Variants in FBXO16 observed in about 807,000 individuals in gnomAD.
FBXO16 encodes F-box only protein 16.
In FBXO16, 31 loss-of-function variants were observed where a neutral mutation model predicts 41.0. The observed-to-expected ratio is 0.76, with a 90% CI of 0.57 to 1.02. The LOEUF is 1.02. Ranked by LOEUF, FBXO16 falls within the 50% of genes least tolerant of loss-of-function variation. The pLI, the probability that FBXO16 is intolerant of heterozygous loss-of-function variation, is 0.00. For synonymous variants in FBXO16, 133 were observed against 117.8 expected (o/e 1.13, Z -0.84); for missense variants, 361 against 346.2 (o/e 1.04, Z -0.34).
chr8:28,443,461 G>A (rs1270679125), intron 7 of FBXO16, among the ~76,000 whole-genome samples: 3 of 152,102 alleles, frequency 2.0e-5, no homozygotes, highest in Non-Finnish European at 2.9e-5. Context: ...GGGGGTCAGG[G>A]TTTGGGGGTA....
intron 6 of FBXO16, among the ~76,000 whole-genome samples, chr8:28,450,111 A>G (rs1180614086): frequency 6.6e-6 from 1 of 152,184 alleles, no homozygotes; most frequent in African/African-American, 2.4e-5. Flanking sequence ...TACTGGTGTA[A>G]AGACCAATAT....
chr8:28,442,264 T>C (rs1802792907), intron 7 of FBXO16, among the ~76,000 whole-genome samples: 1 of 152,024 alleles, frequency 6.6e-6, no homozygotes, highest in African/African-American at 2.4e-5. Context: ...ATTGCTTTGT[T>C]TTATATGGAA....
At chr8:28,453,498 T>C (rs1200827196) in intron 5 of FBXO16, among the ~76,000 whole-genome samples, 2 of 151,978 alleles carry the variant, frequency 1.3e-5, no homozygotes. Context: ...AAAGCCTGTC[T>C]TGTGTGTGTG....
intron 7 of FBXO16, among the ~76,000 whole-genome samples, chr8:28,443,023 CT>C (rs61693872): frequency 0.064 from 9,201 of 142,836 alleles, 720 homozygotes; most frequent in African/African-American, 0.19. Flanking sequence ...ATTACTTGTA[CT>C]TTTTTTTTTT....
chr8:28,472,705 A>G (rs1563368422), intron 3 of FBXO16, among the ~76,000 whole-genome samples: 1 of 152,180 alleles, frequency 6.6e-6, no homozygotes, highest in Non-Finnish European at 1.5e-5. Flanking sequence ...AGATGGCACC[A>G]TTACACTCCA....
At chr8:28,447,510 G>A (rs1802883889) in intron 6 of FBXO16, 2 of 466,390 alleles carry the variant, frequency 4.3e-6, no homozygotes, top group Non-Finnish European at 7.8e-6. Context: ...ATATTCAACT[G>A]TGGAAGGATC....
chr8:28,460,059 T>C (rs191350208), intron 4 of FBXO16, among the ~76,000 whole-genome samples: 28 of 151,652 alleles, frequency 1.8e-4, no homozygotes, highest in African/African-American at 6.8e-4. Context: ...ATTTTTGGAA[T>C]AGGTATGTGC....
Position 28,428,586 on chromosome 8 carries a change from G to C in FBXO16, c.*141C>G. 15 of 1,550,990 alleles carry C rather than the reference G, an allele frequency of 9.7e-6. No individual in the cohort carries two copies. Among genetic ancestry groups the C allele is most frequent in the African/African-American group, 6.8e-5 (5 of 73,114 alleles). ...TCAGTCCACTTTGGCTCTGGAACCT[G>C]GATGAGTCATGCTTGGGGCCCAGGG... On this transcript the variant is annotated 3_prime_UTR_variant, in exon 9 of 9. Transcript: ENST00000380254.
chr8:28,440,743 G>A (rs1376554726), intron 7 of FBXO16, among the ~76,000 whole-genome samples: 3 of 152,178 alleles, frequency 2.0e-5, no homozygotes, highest in Admixed American at 6.5e-5. Flanking sequence ...GGGTAAGCAG[G>A]CAATTAAAGA....
At chr8:28,447,563 C>T (rs1407143273) in intron 6 of FBXO16, 5 of 350,542 alleles carry the variant, frequency 1.4e-5, no homozygotes, top group Admixed American at 1.2e-4. Context: ...GTGGATGAGA[C>T]GGTATGTACT....
intron 3 of FBXO16, among the ~76,000 whole-genome samples, chr8:28,471,805 C>CACAAAAAAAA (rs781686111): frequency 4.2e-5 from 1 of 23,728 alleles, no homozygotes. Flanking sequence ...CAGAGAATCT[C>CACAAAAAAAA]AAAAAAAAAA....
In FBXO16 at chr8:28,452,235, G is replaced by A. The variant is rs970471492; in HGVS notation, c.740+9C>T. On this transcript the variant is annotated intron_variant, in intron 6 of 8. Coordinates refer to ENST00000380254, the MANE Select transcript of FBXO16 (RefSeq NM_172366.4). ...ACGAAGAAGTTGAGAAGAGCATGGA[G>A]CTTCTTACCCTTGCTGGACAGTCTC... 3 of 1,608,716 alleles carry A rather than the reference G, an allele frequency of 1.9e-6. No homozygotes were observed. The highest frequency in any genetic ancestry group is 1.7e-6 in the Non-Finnish European group (2 of 1,175,952).
rs746464777 is a variant in FBXO16 at position 28,456,934 on chromosome 8, G to C, written c.343-4C>G. ...GGTTCTTCCAATGCCAGCACACCTG[G>C]AAAAACAATTACAATTAAACAAAAC... On this transcript the variant is annotated splice_polypyrimidine_tract_variant and splice_region_variant and intron_variant, in intron 4 of 8. Coordinates refer to ENST00000380254, the MANE Select transcript of FBXO16 (RefSeq NM_172366.4). 6.2e-7 allele frequency: 1 copy of C among 1,609,814 alleles called. No individual in the cohort carries two copies. The highest frequency in any genetic ancestry group is 1.7e-5 in the Admixed American group (1 of 59,384).
At chr8:28,466,976 C>T (rs1207035073) in intron 3 of FBXO16, among the ~76,000 whole-genome samples, 1 of 120,172 alleles carries the variant, frequency 8.3e-6, no homozygotes, top group Admixed American at 8.3e-5. Flanking sequence ...CAGGGTCTCG[C>T]TGTGTCGCCA....
At chr8:28,435,910 T>C (rs1802680823) in intron 7 of FBXO16, among the ~76,000 whole-genome samples, 1 of 152,218 alleles carries the variant, frequency 6.6e-6, no homozygotes, top group African/African-American at 2.4e-5. Context: ...TGCCTCCTGC[T>C]GCTATCAGAG....
chr8:28,428,784 A>C (rs1296423121), intron 8 of FBXO16, 48 bp from the exon 9 acceptor site: 1 of 1,464,154 alleles, frequency 6.8e-7, no homozygotes, highest in Non-Finnish European at 9.0e-7. Context: ...TGAAATACCA[A>C]GGGAGCTATC....
chr8:28,439,579 A>T (rs1802734261), intron 7 of FBXO16, among the ~76,000 whole-genome samples: 1 of 151,858 alleles, frequency 6.6e-6, no homozygotes, highest in Admixed American at 6.6e-5. Context: ...CTCTACAAAA[A>T]ATACCCCCAA....
chr8:28,452,408 T>C lies in FBXO16; in HGVS notation c.576A>G (p.Lys192=). 4 of 1,614,206 alleles carry C rather than the reference T, an allele frequency of 2.5e-6. No homozygotes were observed. The highest frequency in any genetic ancestry group is 1.7e-5 in the Admixed American group (1 of 60,014). Reference sequence around the variant, plus strand: ...ACCGAAAAGCTGATAAAGGGGACTGTTTTTCCTCTGGAGAATTGCTTGTAA... The same window carrying C: ...ACCGAAAAGCTGATAAAGGGGACTGCTTTTCCTCTGGAGAATTGCTTGTAA... ...QLVTSNSPEE[K]QSPLSAFRSS... is the part of the protein sequence containing the mutation. The change falls in exon 6 of 9, where the codon AAA becomes AAG. Residue 192 remains lysine (K), a synonymous_variant. Transcript: ENST00000380254.
At chr8:28,484,966 C>T (rs186572137) in intron 1 of FBXO16, among the ~76,000 whole-genome samples, 77 of 151,906 alleles carry the variant, frequency 5.1e-4, no homozygotes, top group African/African-American at 1.7e-3. Context: ...ACCTCCGCTT[C>T]CCAGGTTCAA....
Sources: allele counts gnomAD v4.1 joint callset (sites outside exome capture counted in the v4.1 genomes callset), GRCh38; gene constraint gnomAD v4.1.1; transcripts MANE v1.5; gene names NCBI Gene and HGNC (gene_info 2026-07-23, HGNC 2026-07-21).